KCNG2: variants seen among roughly 807,000 people sequenced by gnomAD.
KCNG2 encodes voltage-gated potassium channel regulatory subunit KCNG2.
In KCNG2, 7 loss-of-function variants were observed where a neutral mutation model predicts 12.3. The observed-to-expected ratio is 0.57, with a 90% confidence interval of 0.32 to 1.07. The LOEUF (loss-of-function observed/expected upper bound fraction) is 1.07, where lower values mean the gene tolerates loss of function less well. Ranked by LOEUF, KCNG2 falls within the 50% of genes least tolerant of loss-of-function variation. The probability of loss-of-function intolerance (pLI) is 0.04; values close to 1 mark genes in which losing one functional copy is unlikely to be tolerated. For missense variants in KCNG2, 703 were observed against 726.0 expected (o/e 0.97, Z 0.36); for synonymous variants, 414 against 351.4 (o/e 1.18, Z -1.99).
intron 3 of KCNG2, among the ~76,000 whole-genome samples, chr18:79,892,604 G>C (rs1289684881): frequency 1.3e-5 from 2 of 152,036 alleles, no homozygotes; most frequent in South Asian, 4.1e-4. Flanking sequence ...ATATAGTTGG[G>C]TCTGTGGCCG....
At chr18:79,896,525 C>A (rs1980982363) in intron 3 of KCNG2, among the ~76,000 whole-genome samples, 1 of 152,174 alleles carries the variant, frequency 6.6e-6, no homozygotes, top group Admixed American at 6.5e-5. Context: ...CTCCTTTGTG[C>A]TTTTATTGGC....
At chr18:79,834,168 C>T (rs547996118) in intron 1 of KCNG2, among the ~76,000 whole-genome samples, 5 of 152,322 alleles carry the variant, frequency 3.3e-5, no homozygotes, top group African/African-American at 9.6e-5. Flanking sequence ...CCCCAGCCAG[C>T]GTCAGAGCGG....
At chr18:79,892,129 A>AAAC (rs1555696672) in intron 3 of KCNG2, among the ~76,000 whole-genome samples, 9 of 150,988 alleles carry the variant, frequency 6.0e-5, no homozygotes, top group Middle Eastern at 3.5e-3. Context: ...AAAAAAAAAA[A>AAAC]AACAACACAG....
At chr18:79,848,653 C>T (rs1041694923) in intron 1 of KCNG2, among the ~76,000 whole-genome samples, 1 of 152,252 alleles carries the variant, frequency 6.6e-6, no homozygotes, top group Non-Finnish European at 1.5e-5. Flanking sequence ...ACCCACAGCT[C>T]TGCCTTTGGG....
At chr18:79,872,785 A>G (rs577610528) in intron 3 of KCNG2, among the ~76,000 whole-genome samples, 1 of 152,328 alleles carries the variant, frequency 6.6e-6, no homozygotes, top group South Asian at 2.1e-4. Context: ...AGATTCTTCA[A>G]AGCTGTTGAG....
Position 79,822,062 on chromosome 18 carries a change from G to A in KCNG2, c.-115+24048G>A, listed in dbSNP as rs1202947317. ...CAGCACTGATATTTGGGGCTGGGAT[G>A]TGAAGGCTTCAGTAAAACTTGTCAA... On this transcript the variant is annotated intron_variant, in intron 1 of 3. Coordinates refer to ENST00000316249, the MANE Select transcript of KCNG2 (RefSeq NM_012283.2). The surrounding 1 kb of genome is among the most constrained non-coding windows in gnomAD (Gnocchi z 4.4). Among the ~76,000 whole-genome samples, 1 of 152,232 alleles carries A rather than the reference G, an allele frequency of 6.6e-6. No homozygotes were observed. The highest frequency in any genetic ancestry group is 6.5e-5 in the Admixed American group (1 of 15,288).
At chr18:79,847,540 A>G (rs1978667165) in intron 1 of KCNG2, among the ~76,000 whole-genome samples, 1 of 152,240 alleles carries the variant, frequency 6.6e-6, no homozygotes, top group Non-Finnish European at 1.5e-5. Context: ...CATGTAGATT[A>G]ACAGCCCCAC....
intron 3 of KCNG2, among the ~76,000 whole-genome samples, chr18:79,881,870 G>A (rs377535005): frequency 6.6e-5 from 10 of 152,334 alleles, no homozygotes; most frequent in East Asian, 1.9e-4. Flanking sequence ...AAGGACAGGC[G>A]TGGGGTCGTG....
intron 3 of KCNG2, among the ~76,000 whole-genome samples, chr18:79,894,496 A>G (rs1375750336): frequency 4.6e-5 from 7 of 151,926 alleles, no homozygotes; most frequent in Non-Finnish European, 1.0e-4. Flanking sequence ...TACAATTGAT[A>G]TAGTTGGGTC....
chr18:79,881,343 A>G (rs567763944), intron 3 of KCNG2, among the ~76,000 whole-genome samples: 1 of 152,310 alleles, frequency 6.6e-6, no homozygotes, highest in South Asian at 2.1e-4. Context: ...AAGCAAGAGA[A>G]CAGGACTGCC....
chr18:79,832,656 C>A (rs565413552), intron 1 of KCNG2, among the ~76,000 whole-genome samples: 1 of 152,176 alleles, frequency 6.6e-6, no homozygotes, highest in African/African-American at 2.4e-5. Context: ...GCAGATCATT[C>A]GCCCTGATTT....
intron 2 of KCNG2, among the ~76,000 whole-genome samples, chr18:79,862,100 G>A (rs1979242783): frequency 6.6e-6 from 1 of 152,118 alleles, no homozygotes; most frequent in African/African-American, 2.4e-5. Context: ...TTTCTGGTGA[G>A]TCCAATATCT....
chr18:79,851,681 A>G (rs958845369), intron 1 of KCNG2, among the ~76,000 whole-genome samples: 1 of 150,890 alleles, frequency 6.6e-6, no homozygotes, highest in Non-Finnish European at 1.5e-5. Flanking sequence ...ATGTGTGTGA[A>G]TGTGTATGCC....
At chr18:79,816,779 G>A (rs978322645) in intron 1 of KCNG2, among the ~76,000 whole-genome samples, 1 of 152,240 alleles carries the variant, frequency 6.6e-6, no homozygotes, top group Admixed American at 6.5e-5. Context: ...GTGCAGTGTG[G>A]AGGGCCCAGT....
chr18:79,899,153 C>T lies in KCNG2; in HGVS notation c.738C>T (p.Phe246=), dbSNP rs758280888. The T allele has an allele frequency of 3.1e-6, 5 of 1,607,126 alleles. No homozygotes were observed. Among genetic ancestry groups the T allele is most frequent in the Non-Finnish European group, 4.2e-6 (5 of 1,179,674 alleles). ...RSLQAESKCA[F]LRAPLNIIDI... ...TGCAGGCCGAGAGCAAGTGCGCCTTCCTGCGCGCGCCACTCAACATCATTG... is the reference window on the plus strand; with the variant it reads ...TGCAGGCCGAGAGCAAGTGCGCCTTTCTGCGCGCGCCACTCAACATCATTG... Residue 246 remains phenylalanine, a synonymous_variant, in exon 4 of 4, where the codon TTC becomes TTT. Transcript: ENST00000316249.
At chr18:79,893,340 A>G (rs1022042029) in intron 3 of KCNG2, among the ~76,000 whole-genome samples, 3 of 151,670 alleles carry the variant, frequency 2.0e-5, no homozygotes, top group Non-Finnish European at 4.4e-5. Context: ...CTCCATTCAC[A>G]TCTAATATTA....
chr18:79,893,959 C>A (rs1980847017), intron 3 of KCNG2, among the ~76,000 whole-genome samples: 1 of 151,472 alleles, frequency 6.6e-6, no homozygotes, highest in African/African-American at 2.4e-5. Flanking sequence ...GTTCTTCACT[C>A]CATTCACATC....
At position 79,863,708 on chromosome 18, in the gene KCNG2, C is replaced by G; in HGVS notation, c.41C>G (p.Thr14Ser). 1 of 1,101,298 alleles carries G rather than the reference C, an allele frequency of 9.1e-7. No individual in the cohort carries two copies. The highest frequency in any genetic ancestry group is 1.1e-6 in the Non-Finnish European group (1 of 874,182). 68.2% of individuals were successfully genotyped at this position (1,101,298 alleles called of 1,614,324 possible). A position where few individuals can be genotyped will look rare whatever the true frequency, so the allele number is the denominator to read the frequency against. ...WPCSPGGGGG[T>S]RARHVIINVG... Reference sequence around the variant, plus strand: ...TGCTCCCCGGGCGGCGGCGGCGGGACCCGCGCCCGGCACGTCATCATCAAC... The same window carrying G: ...TGCTCCCCGGGCGGCGGCGGCGGGAGCCGCGCCCGGCACGTCATCATCAAC... Residue 14 changes from threonine to serine, a missense_variant, in exon 3 of 4, where the codon ACC becomes AGC. Thr to Ser is a moderately conservative substitution (Grantham distance 58). Transcript: ENST00000316249.
chr18:79,830,266 T>G (rs1461822161), intron 1 of KCNG2, among the ~76,000 whole-genome samples: 1 of 152,150 alleles, frequency 6.6e-6, no homozygotes, highest in Non-Finnish European at 1.5e-5. Context: ...ACGTGACGTG[T>G]TGTTTCAGGG....
Sources: gnomAD v4.1 joint callset for allele counts (sites outside exome capture counted in the v4.1 genomes callset) on GRCh38, gnomAD v4.1.1 for gene constraint, Gnocchi (gnomAD v3.1) non-coding constraint, MANE v1.5 for transcripts, NCBI Gene and HGNC (gene_info 2026-07-23, HGNC 2026-07-21) for gene names.